Variants in RHPN1 observed in about 807,000 individuals in gnomAD.
RHPN1 encodes rhophilin Rho GTPase binding protein 1.
RHPN1 carries 77 observed loss-of-function variants against 74.7 expected under a neutral mutation model. The observed-to-expected ratio is 1.03, with a 90% CI of 0.86 to 1.25. The LOEUF (loss-of-function observed/expected upper bound fraction) is 1.25. Among genes scored for constraint, RHPN1 ranks in the 50% most tolerant of loss-of-function variants. RHPN1 has a pLI of 0.00. For missense variants in RHPN1, 987 were observed against 932.2 expected (o/e 1.06, Z -0.77); for synonymous variants, 444 against 414.5 (o/e 1.07, Z -0.87).
Position 143,379,463 on chromosome 8 carries a change from C to A in RHPN1, c.900C>A (p.Pro300=), listed in dbSNP as rs899013772. ...EGLSPPASMA[P]QDCLAQLRLA... Reference sequence around the variant, plus strand: ...TCTCACCACCTGCCTCCATGGCCCCCCAAGACTGCCTGGCCCAGCTGCGCC... The same window carrying A: ...TCTCACCACCTGCCTCCATGGCCCCACAAGACTGCCTGGCCCAGCTGCGCC... The change falls in exon 8 of 15, where the codon CCC becomes CCA. Residue 300 remains proline, a synonymous_variant. Transcript: ENST00000289013. 7.0e-6 allele frequency: 11 copies of A among 1,570,168 alleles called. No individual in the cohort carries two copies. The highest frequency in any genetic ancestry group is 2.4e-5 in the East Asian group (1 of 42,036).
rs1180053184 is a variant in RHPN1, at chr8:143,379,374, G to C, written c.811G>C (p.Ala271Pro). 6.2e-7 allele frequency: 1 copy of C among 1,601,634 alleles called. No homozygotes were observed. ...SHAPSPDMSA[A>P]SLCALEQLMM... ...TGCGCCGAGCCCAGACATGAGCGCTGCGTCCCTCTGCGCACTGGAGCAGCT... is the reference window on the plus strand; with the variant it reads ...TGCGCCGAGCCCAGACATGAGCGCTCCGTCCCTCTGCGCACTGGAGCAGCT... The change falls in exon 8 of 15, where the codon GCG becomes CCG. Residue 271 changes from alanine (A) to proline (P), a missense_variant. Ala to Pro is a conservative substitution (Grantham distance 27). Coordinates refer to ENST00000289013, the MANE Select transcript of RHPN1 (RefSeq NM_052924.3).
At chr8:143,370,077 C>G (rs1817723948) in intron 1 of RHPN1, among the ~76,000 whole-genome samples, 1 of 152,188 alleles carries the variant, frequency 6.6e-6, no homozygotes, top group South Asian at 2.1e-4. Flanking sequence ...CTTGCTCTGT[C>G]AGGGCGGCCA....
In RHPN1 at chr8:143,380,084, C is replaced by A; in HGVS notation, c.1125C>A (p.Pro375=). 6.4e-7 allele frequency: 1 copy of A among 1,551,928 alleles called. No individual in the cohort carries two copies. The highest frequency in any genetic ancestry group is 8.7e-7 in the Non-Finnish European group (1 of 1,148,928). ...DGSPATEGEL[P]THEQVFLQPP... is the part of the protein sequence containing the mutation. Reference sequence around the variant, plus strand: ...CAGCAGCGACCGAGGGAGAGCTCCCCACGCACGAGCAGGTCTTCCTGCAGC... The same window carrying A: ...CAGCAGCGACCGAGGGAGAGCTCCCAACGCACGAGCAGGTCTTCCTGCAGC... The change falls in exon 10 of 15, where the codon CCC becomes CCA. Residue 375 remains proline (P), a synonymous_variant. Transcript: ENST00000289013.
At chr8:143,364,409 G>T (rs1466457453), upstream of RHPN1, among the ~76,000 whole-genome samples, 1 of 152,138 alleles carries the variant, frequency 6.6e-6, no homozygotes, top group Non-Finnish European at 1.5e-5. The surrounding 1 kb of genome is among the most constrained non-coding windows in gnomAD (Gnocchi z 4.5). Context: ...TCCCTCAGCG[G>T]CCGGGAGGGA....
chr8:143,378,940 C>T lies in RHPN1; in HGVS notation c.613C>T (p.Gln205Ter). 1 of 1,581,358 alleles carries T rather than the reference C, an allele frequency of 6.3e-7. No individual in the cohort carries two copies. Among genetic ancestry groups the T allele is most frequent in the East Asian group, 2.3e-5 (1 of 42,586 alleles). The change falls in exon 7 of 15, where the codon CAG becomes TAG. Residue 205 changes from glutamine (Q) to a stop codon, truncating the protein, a stop_gained. Coordinates refer to ENST00000289013, the MANE Select transcript of RHPN1 (RefSeq NM_052924.3). LOFTEE classifies it high-confidence loss of function. ...CGACTCGCTTACTGGGGTCCCGGCCCAGCAGCGTGCCCTGGCCTTCGAGAA... is the reference window on the plus strand; with the variant it reads ...CGACTCGCTTACTGGGGTCCCGGCCTAGCAGCGTGCCCTGGCCTTCGAGAA... Reference protein sequence around the residue: ...WYDSLTGVPAQQRALAFEKGS... With the variant: ...WYDSLTGVPA
At chr8:143,381,516 C>T (rs3817720) in intron 12 of RHPN1, 56 bp from the exon 13 acceptor site, 1,091,537 of 1,553,784 alleles carry the variant, frequency 0.7, 392,023 homozygotes, top group South Asian at 0.83. Flanking sequence ...GCTAGTCAGG[C>T]GGGGTCTCCT....
At chr8:143,376,375 C>A in intron 2 of RHPN1, 150 bp from the exon 3 acceptor site, 1 of 1,162,342 alleles carries the variant, frequency 8.6e-7, no homozygotes, top group South Asian at 1.5e-5. Context: ...CTGCCCCTGC[C>A]CCACCCATGG....
intron 1 of RHPN1, among the ~76,000 whole-genome samples, chr8:143,371,188 A>G (rs1210028887): frequency 1.3e-5 from 2 of 152,308 alleles, no homozygotes; most frequent in East Asian, 3.9e-4. Flanking sequence ...CGTGCTGCTT[A>G]TAGCCCTGTG....
intron 1 of RHPN1, chr8:143,374,327 C>T: frequency 2.0e-6 from 2 of 985,090 alleles, no homozygotes; most frequent in Non-Finnish European, 2.4e-6. Context: ...GATTCACCTT[C>T]AGACGCCACA....
intron 1 of RHPN1, among the ~76,000 whole-genome samples, chr8:143,370,524 C>T (rs1817755805): frequency 6.6e-6 from 1 of 152,248 alleles, no homozygotes; most frequent in Admixed American, 6.5e-5. Context: ...GTCGTTCATC[C>T]ACTTAGAGGC....
Position 143,383,155 on chromosome 8 carries a change from A to C in RHPN1, c.*504A>C. ...GGTCCCAGACATGGCCTTCCCCCAA[A>C]ATACTTCCTGCTGTCCTGTCTGTGC... is the stretch of plus-strand genomic sequence containing the variant. On this transcript the variant is annotated 3_prime_UTR_variant, in exon 15 of 15. Coordinates refer to ENST00000289013, the MANE Select transcript of RHPN1 (RefSeq NM_052924.3). 1 of 181,436 alleles carries C rather than the reference A, an allele frequency of 5.5e-6. No homozygotes were observed. Among genetic ancestry groups the C allele is most frequent in the Non-Finnish European group, 1.2e-5 (1 of 86,486 alleles). 11.2% of individuals were successfully genotyped at this position (181,436 alleles called of 1,614,324 possible). A position where few individuals can be genotyped will look rare whatever the true frequency, so the allele number is the denominator to read the frequency against.
At position 143,381,877 on chromosome 8, in the gene RHPN1, C is replaced by G. The variant is rs777401379; in HGVS notation, c.1706C>G (p.Ala569Gly). 1 of 1,612,854 alleles carries G rather than the reference C, an allele frequency of 6.2e-7. No individual in the cohort carries two copies. The highest frequency in any genetic ancestry group is 8.5e-7 in the Non-Finnish European group (1 of 1,179,734). ...CAGCCATGCAGGTGGTGGAGACACG[C>G]GGAGGTGGTGACGGAGCTGAAGGCT... ...NGQPCRWWRH[A>G]EVVTELKAAG... The change falls in exon 14 of 15, where the codon GCG (alanine) becomes GGG (glycine). Residue 569 changes from alanine (A) to glycine (G), a missense_variant. By Grantham distance (60) the Ala-to-Gly change is moderately conservative. Transcript: ENST00000289013.
intron 4 of RHPN1, among the ~76,000 whole-genome samples, chr8:143,377,714 C>G (rs959761183): frequency 1.3e-5 from 2 of 152,312 alleles, no homozygotes; most frequent in East Asian, 3.9e-4. Context: ...GTGCCCTACC[C>G]TCGGATGGGC....
In RHPN1 at chr8:143,383,844, G is replaced by C. The variant is rs3195664; in HGVS notation, c.*1193G>C. On this transcript the variant is annotated 3_prime_UTR_variant, in exon 15 of 15. Transcript: ENST00000289013. ...GGGAGGGCTGAGGCAAAGACCCCGG[G>C]TAGAAAGGCGGCCCCCAGCTCTGCG... 0.13 allele frequency: 20,223 copies of C among 152,354 alleles called. 1,503 individuals are homozygous for C. Among genetic ancestry groups the C allele is most frequent in the Middle Eastern group, 0.27 (78 of 294 alleles). 9.4% of individuals were successfully genotyped at this position (152,354 alleles called of 1,614,324 possible). A position where few individuals can be genotyped will look rare whatever the true frequency, so the allele number is the denominator to read the frequency against.
rs747496731 is a variant in RHPN1, at chr8:143,375,591, G to A, written c.99G>A (p.Leu33=). 8 of 1,606,408 alleles carry A rather than the reference G, an allele frequency of 5.0e-6. No individual in the cohort carries two copies. The East Asian group carries it at 9.0e-5, about 18-fold the overall frequency. The change falls in exon 2 of 15, where the codon CTG becomes CTA. Residue 33 remains leucine, a synonymous_variant. Transcript: ENST00000289013. Reference sequence around the variant, plus strand: ...TGACGCAGATCCAGTGCGGCCAGCTGCAGAGCCGCAGGGCCCAGATTCACC... The same window carrying A: ...TGACGCAGATCCAGTGCGGCCAGCTACAGAGCCGCAGGGCCCAGATTCACC... ...DSLTQIQCGQ[L]QSRRAQIHQQ...
chr8:143,379,466 A>G lies in RHPN1; in HGVS notation c.903A>G (p.Gln301=). 6.4e-7 allele frequency: 1 copy of G among 1,569,472 alleles called. No individual in the cohort carries two copies. The highest frequency in any genetic ancestry group is 1.4e-5 in the African/African-American group (1 of 73,826). Residue 301 remains glutamine (Q), a synonymous_variant, in exon 8 of 15, where the codon CAA becomes CAG. Coordinates refer to ENST00000289013, the MANE Select transcript of RHPN1 (RefSeq NM_052924.3). ...GLSPPASMAP[Q]DCLAQLRLAQ... The stretch of plus-strand genomic sequence containing the variant: ...CACCACCTGCCTCCATGGCCCCCCA[A>G]GACTGCCTGGCCCAGCTGCGCCTGG...
rs185844834 is a variant in RHPN1 at position 143,371,934 on chromosome 8, C to T, written c.60+2887C>T. Reference sequence around the variant, plus strand: ...CCAGTGTGGAAAGTGGGGCATGGGCCGCCCACCTCCAAGGTCTACCCAGCC... The same window carrying T: ...CCAGTGTGGAAAGTGGGGCATGGGCTGCCCACCTCCAAGGTCTACCCAGCC... On this transcript the variant is annotated intron_variant, in intron 1 of 14. Coordinates refer to ENST00000289013, the MANE Select transcript of RHPN1 (RefSeq NM_052924.3). Among the ~76,000 whole-genome samples the T allele has an allele frequency of 5.6e-4, 86 of 152,310 alleles. No individual in the cohort carries two copies. In the East Asian group the frequency reaches 9.3e-3, roughly 16 times the overall value.
In RHPN1 at chr8:143,379,999, A is replaced by G. The variant is rs3812440; in HGVS notation, c.1102+14A>G. ...GCGACGGCTCCCGTGAGTGCCCACCACACTTGCCCATGGTACTGCCAAGGC... is the reference window on the plus strand; with the variant it reads ...GCGACGGCTCCCGTGAGTGCCCACCGCACTTGCCCATGGTACTGCCAAGGC... On this transcript the variant is annotated intron_variant, in intron 9 of 14. Transcript: ENST00000289013. 1,248,012 of 1,553,790 alleles carry G rather than the reference A, an allele frequency of 0.8. 504,131 individuals carry two copies. The highest frequency in any genetic ancestry group is 0.89 in the South Asian group (75,271 of 84,348).
chr8:143,372,111 C>T (rs1817864607), intron 1 of RHPN1, among the ~76,000 whole-genome samples: 2 of 152,176 alleles, frequency 1.3e-5, no homozygotes, highest in African/African-American at 4.8e-5. Flanking sequence ...CGCAGCTCTC[C>T]TGGGGCCAGG....
Sources: gnomAD v4.1 joint callset for allele counts (sites outside exome capture counted in the v4.1 genomes callset) on GRCh38, gnomAD v4.1.1 for gene constraint, Gnocchi (gnomAD v3.1) non-coding constraint, MANE v1.5 for transcripts, NCBI Gene and HGNC (gene_info 2026-07-23, HGNC 2026-07-21) for gene names.